The following COL1A1 variants were observed in gnomAD, a reference collection of about 807,000 sequenced individuals.
COL1A1 encodes the protein collagen alpha-1(I) chain.
COL1A1 carries 21 observed loss-of-function variants against 195.7 expected under a neutral mutation model. The ratio of observed to expected loss-of-function variants is 0.11; its 90% confidence interval spans 0.08 to 0.15. The LOEUF (loss-of-function observed/expected upper bound fraction) is 0.15, where lower values mean the gene tolerates loss of function less well. Among genes scored for constraint, COL1A1 ranks in the 10% least tolerant of loss-of-function variants. COL1A1 has a pLI of 1.00. For synonymous variants in COL1A1, 749 were observed against 747.3 expected (o/e 1.00, Z -0.04); for missense variants, 1,365 against 2,051.0 (o/e 0.67, Z 6.46).
chr17:50,200,187 T>G, intron 1 of COL1A1: 6 of 540,104 alleles, frequency 1.1e-5, no homozygotes, highest in Non-Finnish European at 1.0e-5. Flanking sequence ...AAAGCTTTAG[T>G]CCGCGGTGGC....
rs2144600278 is a variant in COL1A1, at chr17:50,201,438, C to T, written c.76G>A (p.Gly26Ser). 6.2e-7 allele frequency: 1 copy of T among 1,613,838 alleles called. No individual in the cohort carries two copies. The highest frequency in any genetic ancestry group is 1.7e-4 in the Middle Eastern group (1 of 5,912). ...TCTTCGTCTTGGCCCTCGACTTGGC[C>T]TTCCTCTTGGCCGTGCGTCAGGAGG... ...TALLTHGQEE[G>S]QVEGQDEDIP... Residue 26 changes from glycine (G) to serine (S), a missense_variant, in exon 1 of 51, where the codon GGC (glycine) becomes AGC (serine). By Grantham distance (56) the Gly-to-Ser change is moderately conservative. Transcript: ENST00000225964.
At position 50,192,216 on chromosome 17, in the gene COL1A1, A is replaced by T. The variant is rs1314836444; in HGVS notation, c.1984-192T>A. The T allele has an allele frequency of 1.8e-5, 13 of 732,614 alleles. No individual in the cohort carries two copies. The East Asian group carries it at 2.4e-4, about 14-fold the overall frequency. 45.4% of individuals were successfully genotyped at this position (732,614 alleles called of 1,614,324 possible). ...GTGTCAAAGGCTTCCCCCCTCCCCA[A>T]ACTATGGACCAAGATTTATCAATAG... On this transcript the variant is annotated intron_variant, in intron 29 of 50. Coordinates refer to ENST00000225964, the MANE Select transcript of COL1A1 (RefSeq NM_000088.4).
rs763222869 is a variant in COL1A1 at position 50,192,699 on chromosome 17, C to T, written c.1876-6G>A. The T allele has an allele frequency of 1.9e-6, 3 of 1,614,038 alleles. No homozygotes were observed. The highest frequency in any genetic ancestry group is 2.7e-5 in the African/African-American group (2 of 74,912). On this transcript the variant is annotated splice_polypyrimidine_tract_variant and splice_region_variant and intron_variant, in intron 27 of 50. Coordinates refer to ENST00000225964, the MANE Select transcript of COL1A1 (RefSeq NM_000088.4). ...CCTCTCTCGCCAGCGGGACCCTGCACAGAGAGAACACTACAGTCACGGGGA... is the reference window on the plus strand; with the variant it reads ...CCTCTCTCGCCAGCGGGACCCTGCATAGAGAGAACACTACAGTCACGGGGA...
chr17:50,187,591 T>C, intron 45 of COL1A1, 54 bp from the exon 46 acceptor site: 1 of 1,590,744 alleles, frequency 6.3e-7, no homozygotes, highest in East Asian at 2.2e-5. Context: ...AAATGTAGCC[T>C]GAGGGCCTGG....
At position 50,196,534 on chromosome 17, in the gene COL1A1, G is replaced by C; in HGVS notation, c.859-6C>G. 1 of 1,614,206 alleles carries C rather than the reference G, an allele frequency of 6.2e-7. No individual in the cohort carries two copies. The highest frequency in any genetic ancestry group is 1.7e-5 in the Admixed American group (1 of 60,020). ...CCAGGGCTGCCAGGCTCACCCTGTA[G>C]ATCAGAGAATAATGAGTGAGAAATT... is the stretch of plus-strand genomic sequence containing the variant. On this transcript the variant is annotated splice_polypyrimidine_tract_variant and splice_region_variant and intron_variant, in intron 12 of 50. Transcript: ENST00000225964.
Position 50,189,327 on chromosome 17 carries a change from C to T in COL1A1, c.2829+50G>A. On this transcript the variant is annotated intron_variant, in intron 39 of 50. Coordinates refer to ENST00000225964, the MANE Select transcript of COL1A1 (RefSeq NM_000088.4). This position sits in a 1 kb window ranked among gnomAD's most constrained non-coding sequence, Gnocchi z 5.5. ...GCCAGAGAGCAGCACAGGGACCCCTCCCCAGCTCTGCACACCTCCGGAGCT... is the reference window on the plus strand; with the variant it reads ...GCCAGAGAGCAGCACAGGGACCCCTTCCCAGCTCTGCACACCTCCGGAGCT... The T allele has an allele frequency of 1.9e-6, 3 of 1,613,780 alleles. No homozygotes were observed. The highest frequency in any genetic ancestry group is 2.5e-6 in the Non-Finnish European group (3 of 1,179,906).
rs1454333666 is a variant in COL1A1, at chr17:50,187,101, C to T, written c.3445G>A (p.Ala1149Thr). 6.8e-6 allele frequency: 11 copies of T among 1,612,032 alleles called. No individual in the cohort carries two copies. Among genetic ancestry groups the T allele is most frequent in the African/African-American group, 2.7e-5 (2 of 75,008 alleles). ...CCGTTGAGTCCATCTTTGCCAGGAG[C>T]ACCAGCAGAGCCAGGGGGACCCTGG... The part of the protein sequence containing the change: ...GPRGPPGSAG[A>T]PGKDGLNGLP... The change falls in exon 47 of 51, where the codon GCT (alanine) becomes ACT (threonine). Residue 1149 changes from alanine (A) to threonine (T), a missense_variant. Coordinates refer to ENST00000225964, the MANE Select transcript of COL1A1 (RefSeq NM_000088.4).
intron 13 of COL1A1, 54 bp downstream of exon 13, chr17:50,196,429 CA>C: frequency 6.2e-7 from 1 of 1,614,088 alleles, no homozygotes; most frequent in Non-Finnish European, 8.5e-7. Context: ...CCCAGGCCTC[CA>C]TCTTGCCCCT....
chr17:50,199,824 T>C lies in COL1A1; in HGVS notation c.227A>G (p.Asp76Gly). ...GKVLCDDVIC[D>G]ETKNCPGAEV... ...GGCGCCGGGGCAGTTCTTGGTCTCG[T>C]CACAGATCACGTCATCGCACAACAC... Residue 76 changes from aspartate to glycine, a missense_variant, in exon 2 of 51, where the codon GAC becomes GGC. By Grantham distance (94) the Asp-to-Gly change is moderately conservative. This residue lies in a region of COL1A1 where 194 missense variants were observed against 221.7 expected (regional missense o/e 0.88). Transcript: ENST00000225964. The C allele has an allele frequency of 6.2e-7, 1 of 1,613,994 alleles. No individual in the cohort carries two copies. Among genetic ancestry groups the C allele is most frequent in the Non-Finnish European group, 8.5e-7 (1 of 1,179,980 alleles).
Position 50,196,375 on chromosome 17 carries a change from C to T in COL1A1, c.904-8G>A. The T allele has an allele frequency of 1.2e-6, 2 of 1,613,898 alleles. No homozygotes were observed. The highest frequency in any genetic ancestry group is 1.7e-6 in the Non-Finnish European group (2 of 1,179,868). ...AGGCAGGCCACGGGGGCCCTGACAA[C>T]CAAACCAAGAGAAGTCAGATGAGAT... On this transcript the variant is annotated splice_polypyrimidine_tract_variant and splice_region_variant and intron_variant, in intron 13 of 50. Transcript: ENST00000225964.
Position 50,194,019 on chromosome 17 carries a change from C to T in COL1A1, c.1691G>A (p.Arg564His), listed in dbSNP as rs1800211. 2.4e-4 allele frequency: 389 copies of T among 1,613,208 alleles called. No homozygotes were observed. The highest frequency in any genetic ancestry group is 3.1e-4 in the Non-Finnish European group (363 of 1,179,686). ...GPPGPAGQDG[R>H]PGPPGPPGAR... ...ACCAGGTGGGCCTGGGGGTCCGGGG[C>T]GACCATCTTGACCGGCGGGACCCTA... is the stretch of plus-strand genomic sequence containing the variant. Residue 564 changes from arginine (R) to histidine (H), a missense_variant, in exon 25 of 51, where the codon CGC becomes CAC. By Grantham distance (29) the Arg-to-His change is conservative. Around this residue, in one of 5 missense-constraint regions of COL1A1, gnomAD observed 671 missense variants for 1,099.9 expected, o/e 0.61. Transcript: ENST00000225964. This position sits in a 1 kb window ranked among gnomAD's most constrained non-coding sequence, Gnocchi z 6.8.
At position 50,198,471 on chromosome 17, in the gene COL1A1, C is replaced by G; in HGVS notation, c.505G>C (p.Glu169Gln). The change falls in exon 6 of 51, where the codon GAG becomes CAG. Residue 169 changes from glutamate to glutamine, a missense_variant. Physicochemically the swap from Glu to Gln is conservative, Grantham distance 29. Around this residue, in one of 5 missense-constraint regions of COL1A1, gnomAD observed 226 missense variants for 372.9 expected, o/e 0.61. Coordinates refer to ENST00000225964, the MANE Select transcript of COL1A1 (RefSeq NM_000088.4). ...ACGGAAATTCCTCCGGTTGATTTCTCATCATAGCCATAAGACAGCTGGGGA... is the reference window on the plus strand; with the variant it reads ...ACGGAAATTCCTCCGGTTGATTTCTGATCATAGCCATAAGACAGCTGGGGA... Reference protein sequence around the residue: ...FAPQLSYGYDEKSTGGISVPG... With the variant: ...FAPQLSYGYDQKSTGGISVPG... 1 of 1,613,450 alleles carries G rather than the reference C, an allele frequency of 6.2e-7. No individual in the cohort carries two copies. The highest frequency in any genetic ancestry group is 8.5e-7 in the Non-Finnish European group (1 of 1,179,788).
At chr17:50,187,645 A>T (rs1906670021) in intron 45 of COL1A1, 108 bp from the exon 46 acceptor site, 4 of 1,247,584 alleles carry the variant, frequency 3.2e-6, no homozygotes, top group Non-Finnish European at 4.7e-6. Context: ...CCCCTTCATT[A>T]TTCTGGAAAT....
chr17:50,184,473 CACAA>C lies in COL1A1; in HGVS notation c.*1025_*1028del, dbSNP rs1488432740. On this transcript the variant is annotated 3_prime_UTR_variant, in exon 51 of 51. Transcript: ENST00000225964. ...TTAGAAAAATTCACAAGTCCCCATC[CACAA>C]AAAAAAAAAAAAAAAAAGAAAAATA... 1.5e-3 allele frequency: 257 copies of C among 172,464 alleles called. No individual in the cohort carries two copies. Among genetic ancestry groups the C allele is most frequent in the Non-Finnish European group, 2.0e-3 (186 of 91,534 alleles). 10.7% of individuals were successfully genotyped at this position (172,464 alleles called of 1,614,324 possible).
At position 50,185,582 on chromosome 17, in the gene COL1A1, T is replaced by C. The variant is rs745331536; in HGVS notation, c.4315A>G (p.Ile1439Val). Reference protein sequence around the residue: ...YKTTKTSRLPIIDVAPLDVGA... With the variant: ...YKTTKTSRLPVIDVAPLDVGA... ...ACGTCCAAGGGGGCCACATCGATGA[T>C]GGGCAGGCGGGAGGTCTTGGTGGTT... is the stretch of plus-strand genomic sequence containing the variant. The change falls in exon 51 of 51, where the codon ATC becomes GTC. Residue 1439 changes from isoleucine to valine, a missense_variant. This residue lies in a region of COL1A1 where 273 missense variants were observed against 338.6 expected (regional missense o/e 0.81). Transcript: ENST00000225964. 2 of 1,613,416 alleles carry C rather than the reference T, an allele frequency of 1.2e-6. No homozygotes were observed. Among genetic ancestry groups the C allele is most frequent in the African/African-American group, 1.3e-5 (1 of 74,656 alleles).
intron 29 of COL1A1, 67 bp from the exon 30 acceptor site, chr17:50,192,091 A>G: frequency 6.5e-7 from 1 of 1,542,164 alleles, no homozygotes; most frequent in South Asian, 1.2e-5. Flanking sequence ...GCTGGAAAGC[A>G]CGGTCCTTCC....
chr17:50,187,131 G>A lies in COL1A1; in HGVS notation c.3424-9C>T, dbSNP rs1443223117. The A allele has an allele frequency of 3.1e-6, 5 of 1,594,990 alleles. No individual in the cohort carries two copies. The highest frequency in any genetic ancestry group is 4.3e-6 in the Non-Finnish European group (5 of 1,169,588). ...GCAGAGCCAGGGGGACCCTGGAGTG[G>A]GGGAAATGGTTTGAGAAAGGCTGCC... is the stretch of plus-strand genomic sequence containing the variant. On this transcript the variant is annotated splice_polypyrimidine_tract_variant and intron_variant, in intron 46 of 50. Coordinates refer to ENST00000225964, the MANE Select transcript of COL1A1 (RefSeq NM_000088.4).
chr17:50,192,079 C>T lies in COL1A1; in HGVS notation c.1984-55G>A. The T allele has an allele frequency of 1.9e-6, 3 of 1,582,562 alleles. No homozygotes were observed. In the South Asian group the frequency reaches 3.4e-5, roughly 18 times the overall value. On this transcript the variant is annotated intron_variant, in intron 29 of 50. Coordinates refer to ENST00000225964, the MANE Select transcript of COL1A1 (RefSeq NM_000088.4). ...TGAGCAAAACCCACCTGGGGCCACT[C>T]TGCTGGAAAGCACGGTCCTTCCTCC...
Position 50,185,565 on chromosome 17 carries a change from G to C in COL1A1, c.4332C>G (p.Pro1444=). The part of the protein sequence containing the change: ...TSRLPIIDVA[P]LDVGAPDQEF... ...CCTGGTCTGGGGCACCAACGTCCAA[G>C]GGGGCCACATCGATGATGGGCAGGC... Residue 1444 remains proline, a synonymous_variant, in exon 51 of 51, where the codon CCC becomes CCG. Transcript: ENST00000225964. 6.2e-7 allele frequency: 1 copy of C among 1,613,930 alleles called. No individual in the cohort carries two copies. Among genetic ancestry groups the C allele is most frequent in the Non-Finnish European group, 8.5e-7 (1 of 1,179,972 alleles).
Sources: allele counts gnomAD v4.1 joint callset, GRCh38; gene constraint gnomAD v4.1.1; regional missense constraint gnomAD v4.1.1; non-coding constraint Gnocchi (gnomAD v3.1); transcripts MANE v1.5; gene names NCBI Gene and HGNC (gene_info 2026-07-23, HGNC 2026-07-21).